UBE2B: variants seen among roughly 807,000 people sequenced by gnomAD.
UBE2B encodes ubiquitin-conjugating enzyme E2 B.
A neutral mutation model predicts 24.6 loss-of-function variants in UBE2B; 11 were observed. The ratio of observed to expected loss-of-function variants is 0.45; its 90% CI spans 0.28 to 0.74. The LOEUF is 0.74. Ranked by LOEUF, UBE2B falls within the 30% of genes least tolerant of loss-of-function variation. The pLI is 0.13. For synonymous variants in UBE2B, 68 were observed against 62.4 expected, an observed-to-expected ratio of 1.09 and a Z score of -0.42; for missense variants, 78 against 185.6, an observed-to-expected ratio of 0.42 and a Z score of 3.37.
At chr5:134,383,039 C>T (rs562452897) in intron 4 of UBE2B, among the ~76,000 whole-genome samples, 5 of 151,908 alleles carry the variant, frequency 3.3e-5, no homozygotes, top group Admixed American at 6.6e-5. Flanking sequence ...GTGGCGCATG[C>T]CTGTGGTCCC....
intron 4 of UBE2B, among the ~76,000 whole-genome samples, chr5:134,384,869 C>G (rs1758770259): frequency 6.7e-6 from 1 of 149,068 alleles, no homozygotes; most frequent in Non-Finnish European, 1.5e-5. Context: ...CCGCTTCAGT[C>G]CTAGGTAAGT....
intron 4 of UBE2B, among the ~76,000 whole-genome samples, chr5:134,382,645 G>A (rs139910050): frequency 6.1e-4 from 93 of 151,552 alleles, no homozygotes; most frequent in South Asian, 1.9e-3. Context: ...ACAGTGGTGC[G>A]TACCTGTATT....
At chr5:134,379,321 T>C (rs958016614) in intron 3 of UBE2B, among the ~76,000 whole-genome samples, 1 of 152,134 alleles carries the variant, frequency 6.6e-6, no homozygotes, top group African/African-American at 2.4e-5. Flanking sequence ...CAAAACAGAA[T>C]AGCTACAGTC....
intron 4 of UBE2B, among the ~76,000 whole-genome samples, chr5:134,384,350 C>T (rs1306659923): frequency 1.3e-5 from 2 of 151,604 alleles, no homozygotes; most frequent in Non-Finnish European, 2.9e-5. Context: ...TTCTAGCTGC[C>T]TTTTTTGCTT....
chr5:134,381,111 C>T lies in UBE2B; in HGVS notation c.241+303C>T, dbSNP rs1432847144. ...CCTTGTGAGTAGCTGGGACTACAGG[C>T]GTCCACCACCACGCCTGGCTAATTT... On this transcript the variant is annotated intron_variant, in intron 4 of 5. Coordinates refer to ENST00000265339, the MANE Select transcript of UBE2B (RefSeq NM_003337.4). Among the ~76,000 whole-genome samples, 3 of 152,012 alleles carry T rather than the reference C, an allele frequency of 2.0e-5. No homozygotes were observed. In the East Asian group the frequency reaches 5.8e-4, roughly 29 times the overall value.
At chr5:134,376,785 T>C in intron 3 of UBE2B, 91 bp downstream of exon 3, 1 of 1,299,264 alleles carries the variant, frequency 7.7e-7, no homozygotes, top group East Asian at 2.4e-5. Context: ...GAAGCCATTT[T>C]CTATGGTTAA....
In UBE2B at chr5:134,391,850, C is replaced by A. The variant is rs772011118; in HGVS notation, c.*1497C>A. The A allele has an allele frequency of 6.6e-6, 1 of 152,190 alleles. No individual in the cohort carries two copies. Among genetic ancestry groups the A allele is most frequent in the Non-Finnish European group, 1.5e-5 (1 of 68,048 alleles). The allele number at this position is 152,190 out of a possible 1,614,324, so 9.4% of individuals were successfully genotyped here. On this transcript the variant is annotated 3_prime_UTR_variant, in exon 6 of 6. Transcript: ENST00000265339. ...GCATAGTGGCACTTGCCTGTAGTCT[C>A]AGCTACTTAGGAGGCTGAGGTGGCA... is the stretch of plus-strand genomic sequence containing the variant.
chr5:134,388,280 T>C (rs1213927311), intron 4 of UBE2B, 45 bp from the exon 5 acceptor site: 6 of 1,503,694 alleles, frequency 4.0e-6, no homozygotes, highest in Admixed American at 3.3e-5. Flanking sequence ...TCTTAACTGT[T>C]AGATATGGCA....
In UBE2B at chr5:134,371,646, G is replaced by A; in HGVS notation, c.44+7G>A. ...TCATGCGGGATTTCAAGCGGTAAGG[G>A]CCTTCACCTTCGCCTAGATGACGGC... On this transcript the variant is annotated splice_region_variant and intron_variant, in intron 1 of 5. Transcript: ENST00000265339. The A allele has an allele frequency of 6.2e-7, 1 of 1,613,408 alleles. No individual in the cohort carries two copies. Among genetic ancestry groups the A allele is most frequent in the East Asian group, 2.2e-5 (1 of 44,854 alleles).
chr5:134,380,492 C>T (rs924406501), intron 3 of UBE2B, among the ~76,000 whole-genome samples: 1 of 152,184 alleles, frequency 6.6e-6, no homozygotes, highest in African/African-American at 2.4e-5. Flanking sequence ...ACAGTTAACA[C>T]TCCCACCAAT....
At chr5:134,383,473 C>CTATTTTTTTTTTTT (rs1554114519) in intron 4 of UBE2B, among the ~76,000 whole-genome samples, 2 of 80,032 alleles carry the variant, frequency 2.5e-5, no homozygotes, top group African/African-American at 1.1e-4. Context: ...CCATACCCAG[C>CTATTTTTTTTTTTT]TTTTTTTTTT....
At chr5:134,381,513 C>A (rs968370195) in intron 4 of UBE2B, among the ~76,000 whole-genome samples, 1 of 152,148 alleles carries the variant, frequency 6.6e-6, no homozygotes, top group African/African-American at 2.4e-5. Context: ...CTCAAGCAGT[C>A]CTCCCACTTT....
intron 3 of UBE2B, 98 bp from the exon 4 acceptor site, chr5:134,380,621 T>G: frequency 1.4e-6 from 1 of 721,392 alleles, no homozygotes; most frequent in Non-Finnish European, 2.5e-6. Context: ...ATACTAACTT[T>G]TATGTGGTTG....
intron 3 of UBE2B, among the ~76,000 whole-genome samples, chr5:134,377,614 G>C (rs58042391): frequency 1.0e-4 from 15 of 149,096 alleles, no homozygotes; most frequent in East Asian, 1.9e-4. Flanking sequence ...GATTATCTGT[G>C]GGGGGGGTAA....
At chr5:134,375,939 G>A (rs1296781751) in intron 2 of UBE2B, among the ~76,000 whole-genome samples, 1 of 151,812 alleles carries the variant, frequency 6.6e-6, no homozygotes. Flanking sequence ...CAAGAGTTAT[G>A]GCTCCATTGG....
In UBE2B at chr5:134,390,584, A is replaced by AT. The variant is rs869076586; in HGVS notation, c.*238dup. 1 of 458,624 alleles carries AT rather than the reference A, an allele frequency of 2.2e-6. No homozygotes were observed. Among genetic ancestry groups the AT allele is most frequent in the Non-Finnish European group, 3.9e-6 (1 of 255,858 alleles). 28.4% of individuals were successfully genotyped at this position (458,624 alleles called of 1,614,324 possible). A position where few individuals can be genotyped will look rare whatever the true frequency, so the allele number is the denominator to read the frequency against. On this transcript the variant is annotated 3_prime_UTR_variant, in exon 6 of 6. Transcript: ENST00000265339. This position sits in a 1 kb window ranked among gnomAD's most constrained non-coding sequence, Gnocchi z 4.6. The stretch of plus-strand genomic sequence containing the variant: ...TAAATTTGTAATATATCCTGTTTGT[A>AT]TTTTTTTCCAAGTGTATAATGTTGG...
In UBE2B at chr5:134,383,402, C is replaced by T. The variant is rs1200864823; in HGVS notation, c.241+2594C>T. Reference sequence around the variant, plus strand: ...TCGACTCATCGCAACCATTACCTCCCGGGTTCAAGTGATTCTCTTGCCTCA... The same window carrying T: ...TCGACTCATCGCAACCATTACCTCCTGGGTTCAAGTGATTCTCTTGCCTCA... On this transcript the variant is annotated intron_variant, in intron 4 of 5. Transcript: ENST00000265339. 6.0e-5 allele frequency among the ~76,000 whole-genome samples: 9 copies of T among 150,410 alleles called. No individual in the cohort carries two copies. The South Asian group carries it at 8.5e-4, about 14-fold the overall frequency.
chr5:134,385,894 T>G (rs1758792234), intron 4 of UBE2B, among the ~76,000 whole-genome samples: 1 of 151,908 alleles, frequency 6.6e-6, no homozygotes, highest in Non-Finnish European at 1.5e-5. Flanking sequence ...GTGCCTGTAA[T>G]CCCACCTACT....
chr5:134,390,465 A>G lies in UBE2B; in HGVS notation c.*112A>G. 7.3e-7 allele frequency: 1 copy of G among 1,367,424 alleles called. No homozygotes were observed. 84.7% of individuals were successfully genotyped at this position (1,367,424 alleles called of 1,614,324 possible). A position where few individuals can be genotyped will look rare whatever the true frequency, so the allele number is the denominator to read the frequency against. On this transcript the variant is annotated 3_prime_UTR_variant, in exon 6 of 6. Transcript: ENST00000265339. This position sits in a 1 kb window ranked among gnomAD's most constrained non-coding sequence, Gnocchi z 4.6. The stretch of plus-strand genomic sequence containing the variant: ...GGTTTTAAGGATTCTGCAGAAAAAA[A>G]AGAAAAAAGTCCTTCAGTTTAGAAC...
Sources: gnomAD v4.1 joint callset for allele counts (sites outside exome capture counted in the v4.1 genomes callset) on GRCh38, gnomAD v4.1.1 for gene constraint, Gnocchi (gnomAD v3.1) non-coding constraint, MANE v1.5 for transcripts, NCBI Gene and HGNC (gene_info 2026-07-23, HGNC 2026-07-21) for gene names.